CSMD1: variants seen among roughly 807,000 people sequenced by gnomAD.
The protein encoded by CSMD1 is CUB and Sushi multiple domains 1, also known as CUB and sushi domain-containing protein 1.
Under a neutral mutation model 417.5 loss-of-function variants are expected in CSMD1, and 213 were observed. That is an observed-to-expected ratio of 0.51 (90% CI 0.46 to 0.57). The LOEUF (loss-of-function observed/expected upper bound fraction) is 0.57. Among genes scored for constraint, CSMD1 ranks in the 20% least tolerant of loss-of-function variants. The pLI is 0.00. For missense variants in CSMD1, 6,923 were observed against 4,529.7 expected, an observed-to-expected ratio of 1.53 and a Z score of -15.17; for synonymous variants, 2,862 against 1,736.8, an observed-to-expected ratio of 1.65 and a Z score of -16.11.
intron 12 of CSMD1, among the ~76,000 whole-genome samples, chr8:3,452,395 A>C (rs1019296900): frequency 6.6e-6 from 1 of 152,180 alleles, no homozygotes; most frequent in Non-Finnish European, 1.5e-5. Context: ...GTCTTGTGCC[A>C]GTTTTGAAAG....
intron 1 of CSMD1, among the ~76,000 whole-genome samples, chr8:4,668,050 G>C (rs1002992312): frequency 2.6e-5 from 4 of 152,060 alleles, no homozygotes; most frequent in Admixed American, 2.0e-4. Context: ...CTCTTATTTT[G>C]TAACATTAAC....
At chr8:3,397,690 T>A (rs1040464473) in intron 16 of CSMD1, among the ~76,000 whole-genome samples, 1 of 152,206 alleles carries the variant, frequency 6.6e-6, no homozygotes, top group Non-Finnish European at 1.5e-5. Context: ...TCCTTTGACA[T>A]AGTCATGCTG....
At chr8:4,508,148 G>A (rs2406477) in intron 2 of CSMD1, among the ~76,000 whole-genome samples, 35,982 of 121,276 alleles carry the variant, frequency 0.3, 5,572 homozygotes, top group Admixed American at 0.46. Flanking sequence ...AGGAGGCAGG[G>A]GAAGAGGTAA....
intron 3 of CSMD1, among the ~76,000 whole-genome samples, chr8:4,348,843 G>C (rs989292886): frequency 6.6e-6 from 1 of 152,054 alleles, no homozygotes; most frequent in African/African-American, 2.4e-5. Context: ...AGCTTTTAAG[G>C]TACGAACATG....
intron 3 of CSMD1, among the ~76,000 whole-genome samples, chr8:4,315,324 C>T (rs887137583): frequency 1.3e-5 from 2 of 152,174 alleles, no homozygotes; most frequent in Admixed American, 1.3e-4. Flanking sequence ...ACAGCGTCTT[C>T]TAGCTGCTGT....
chr8:3,959,734 G>T (rs1462463960), intron 5 of CSMD1, among the ~76,000 whole-genome samples: 2 of 152,164 alleles, frequency 1.3e-5, no homozygotes, highest in Admixed American at 1.3e-4. Context: ...TGAAACTGCA[G>T]CGGGAACACA....
At chr8:4,037,735 G>T (rs961589426) in intron 3 of CSMD1, among the ~76,000 whole-genome samples, 11 of 152,062 alleles carry the variant, frequency 7.2e-5, no homozygotes, top group Non-Finnish European at 1.2e-4. Context: ...TGTTCTTTAT[G>T]ACTCTATCAG....
intron 1 of CSMD1, among the ~76,000 whole-genome samples, chr8:4,676,369 T>A (rs939371933): frequency 2.0e-5 from 3 of 152,152 alleles, no homozygotes; most frequent in Non-Finnish European, 1.5e-5. Flanking sequence ...ACTGCCCTAA[T>A]ATTAGCTATG....
intron 7 of CSMD1, among the ~76,000 whole-genome samples, chr8:3,695,005 A>G (rs1342260989): frequency 6.6e-6 from 1 of 152,012 alleles, no homozygotes; most frequent in African/African-American, 2.4e-5. Flanking sequence ...TGATTAGGAC[A>G]TTAGACGAAG....
intron 1 of CSMD1, among the ~76,000 whole-genome samples, chr8:4,897,937 A>T (rs866910367): frequency 6.6e-6 from 1 of 152,160 alleles, no homozygotes; most frequent in Non-Finnish European, 1.5e-5. Context: ...GATTCTAAAC[A>T]TAAGTCTAAT....
At chr8:3,656,864 G>A (rs766013934) in intron 7 of CSMD1, among the ~76,000 whole-genome samples, 2 of 151,792 alleles carry the variant, frequency 1.3e-5, no homozygotes, top group Non-Finnish European at 2.9e-5. Context: ...GGCAGAGGTG[G>A]CAGTGAGCCA....
intron 2 of CSMD1, among the ~76,000 whole-genome samples, chr8:4,613,405 C>A (rs1218204845): frequency 6.6e-6 from 1 of 152,174 alleles, no homozygotes; most frequent in Non-Finnish European, 1.5e-5. Flanking sequence ...AGAGCTTAGG[C>A]AAGCTCATGC....
Position 4,881,297 on chromosome 8 carries a change from T to C in CSMD1, c.85+113035A>G, listed in dbSNP as rs191411397. Among the ~76,000 whole-genome samples the C allele has an allele frequency of 2.2e-3, 330 of 152,222 alleles. 3 individuals carry two copies. The highest frequency in any genetic ancestry group is 7.4e-3 in the African/African-American group (306 of 41,490). On this transcript the variant is annotated intron_variant, in intron 1 of 69. Transcript: ENST00000635120. ...TGCCAGACTGTGCCCTCTACAAGGA[T>C]AGTGACAATGCATTTTTTTATTTGA...
At chr8:3,644,433 T>C (rs989267397) in intron 7 of CSMD1, among the ~76,000 whole-genome samples, 11 of 152,252 alleles carry the variant, frequency 7.2e-5, no homozygotes, top group East Asian at 3.9e-4. Flanking sequence ...CACCTTAAAA[T>C]AGGCACGGTA....
intron 26 of CSMD1, among the ~76,000 whole-genome samples, chr8:3,273,063 T>G (rs1261406623): frequency 6.6e-6 from 1 of 152,110 alleles, no homozygotes; most frequent in Non-Finnish European, 1.5e-5. Context: ...ATATTGGCTG[T>G]GGGTTTGTTA....
At chr8:3,383,607 G>A (rs1033849653) in intron 18 of CSMD1, among the ~76,000 whole-genome samples, 3 of 152,096 alleles carry the variant, frequency 2.0e-5, no homozygotes, top group African/African-American at 4.8e-5. Flanking sequence ...TCTATTCATC[G>A]AAATGATGCC....
intron 1 of CSMD1, among the ~76,000 whole-genome samples, chr8:4,952,695 TTAAAA>T (rs1808834027): frequency 6.6e-6 from 1 of 152,060 alleles, no homozygotes. Flanking sequence ...ATGGAATACA[TTAAAA>T]TGAGTATTAA....
intron 3 of CSMD1, among the ~76,000 whole-genome samples, chr8:4,314,128 T>C (rs1332076693): frequency 6.6e-6 from 1 of 152,110 alleles, no homozygotes; most frequent in Non-Finnish European, 1.5e-5. Flanking sequence ...GTATCCGACA[T>C]GCAGAGACTG....
At chr8:4,551,607 A>G (rs949714593) in intron 2 of CSMD1, among the ~76,000 whole-genome samples, 2 of 152,128 alleles carry the variant, frequency 1.3e-5, no homozygotes, top group Non-Finnish European at 2.9e-5. Flanking sequence ...TGCTGCCATC[A>G]AATCCAGGCT....
Sources: gnomAD v4.1 joint callset for allele counts (sites outside exome capture counted in the v4.1 genomes callset) on GRCh38, gnomAD v4.1.1 for gene constraint, MANE v1.5 for transcripts, NCBI Gene and HGNC (gene_info 2026-07-23, HGNC 2026-07-21) for gene names.